COL27A1: variants seen among roughly 807,000 people sequenced by gnomAD.
COL27A1 encodes the protein collagen type XXVII alpha 1 chain, also known as collagen alpha-1(XXVII) chain.
A neutral mutation model predicts 251.3 loss-of-function variants in COL27A1; 106 were observed. The observed-to-expected ratio is 0.42, with a 90% CI of 0.36 to 0.50. The LOEUF (loss-of-function observed/expected upper bound fraction) is 0.50. COL27A1 is among the 20% of genes least tolerant of loss of function. The pLI is 0.00. For missense variants in COL27A1, 2,325 were observed against 2,522.8 expected (o/e 0.92, Z 1.68); for synonymous variants, 1,000 against 986.3 (o/e 1.01, Z -0.26).
intron 5 of COL27A1, among the ~76,000 whole-genome samples, chr9:114,185,481 G>A (rs114833168): frequency 0.011 from 1,626 of 152,352 alleles, 33 homozygotes; most frequent in African/African-American, 0.038. Flanking sequence ...GGCATGGGCA[G>A]GACAAGGTTA....
At chr9:114,223,067 G>A (rs1230201162) in intron 14 of COL27A1, among the ~76,000 whole-genome samples, 4 of 152,070 alleles carry the variant, frequency 2.6e-5, no homozygotes, top group African/African-American at 9.7e-5. Context: ...AGGCCTCGAG[G>A]AGTGGTTCTA....
intron 28 of COL27A1, among the ~76,000 whole-genome samples, chr9:114,262,938 A>ATTTTTTTT (rs386415960): frequency 1.4e-4 from 18 of 127,058 alleles, no homozygotes; most frequent in Admixed American, 4.2e-4. Flanking sequence ...TCCTTGTTTG[A>ATTTTTTTT]TTTTTTTTTT....
At chr9:114,284,412 A>T (rs1012599483) in intron 40 of COL27A1, among the ~76,000 whole-genome samples, 1 of 152,214 alleles carries the variant, frequency 6.6e-6, no homozygotes, top group Non-Finnish European at 1.5e-5. Context: ...TGTTGAGGCA[A>T]GCATTTTGCC....
intron 35 of COL27A1, among the ~76,000 whole-genome samples, chr9:114,269,981 C>T (rs1490740): frequency 0.18 from 27,657 of 152,044 alleles, 2,837 homozygotes; most frequent in African/African-American, 0.27. Flanking sequence ...TGTCCAGGGG[C>T]GTCTCTAGAG....
upstream of COL27A1, among the ~76,000 whole-genome samples, chr9:114,154,186 C>G (rs918717987): frequency 6.6e-6 from 1 of 152,002 alleles, no homozygotes; most frequent in African/African-American, 2.4e-5. The surrounding 1 kb of genome is among the most constrained non-coding windows in gnomAD (Gnocchi z 5.8). Context: ...CGGACCGGGT[C>G]GGCGGCGCAG....
At chr9:114,254,614 G>C (rs1833802288) in intron 27 of COL27A1, among the ~76,000 whole-genome samples, 1 of 152,184 alleles carries the variant, frequency 6.6e-6, no homozygotes, top group African/African-American at 2.4e-5. Context: ...GGTTGCCTGG[G>C]TGTCTCCAAA....
At chr9:114,156,352 G>C (rs1481427324) in intron 1 of COL27A1, among the ~76,000 whole-genome samples, 1 of 151,704 alleles carries the variant, frequency 6.6e-6, no homozygotes, top group Non-Finnish European at 1.5e-5. Flanking sequence ...GGGGGAGGAG[G>C]GGGGTCTCCG....
chr9:114,252,441 G>C (rs747621351), intron 25 of COL27A1, 152 bp from the exon 26 acceptor site: 1 of 661,266 alleles, frequency 1.5e-6, no homozygotes, highest in East Asian at 2.6e-5. Context: ...CCACCTGGGT[G>C]ATGTGGCCAT....
chr9:114,309,450 G>A lies in COL27A1; in HGVS notation c.5408G>A (p.Arg1803Gln), dbSNP rs757567506. 2.5e-5 allele frequency: 40 copies of A among 1,613,698 alleles called. 1 individual carries two copies. The South Asian group carries it at 3.3e-4, about 13-fold the overall frequency. Reference sequence around the variant, plus strand: ...ATTTTTGAAGCTGGGGGTCAGTTCCGGCCCGAGGTGTCCATGGATGGCTGC... The same window carrying A: ...ATTTTTGAAGCTGGGGGTCAGTTCCAGCCCGAGGTGTCCATGGATGGCTGC... ...GQIFEAGGQF[R>Q]PEVSMDGCKV... is the part of the protein sequence containing the mutation. Residue 1803 changes from arginine to glutamine, a missense_variant, in exon 60 of 61, where the codon CGG (arginine) becomes CAG (glutamine). Coordinates refer to ENST00000356083, the MANE Select transcript of COL27A1 (RefSeq NM_032888.4).
intron 16 of COL27A1, among the ~76,000 whole-genome samples, chr9:114,234,927 A>AT (rs1177666107): frequency 6.6e-6 from 1 of 151,564 alleles, no homozygotes; most frequent in Non-Finnish European, 1.5e-5. Context: ...AAAAAAAAAA[A>AT]AATTAGCTGG....
chr9:114,161,924 C>T (rs1483641402), intron 1 of COL27A1, among the ~76,000 whole-genome samples: 1 of 152,216 alleles, frequency 6.6e-6, no homozygotes, highest in Non-Finnish European at 1.5e-5. Flanking sequence ...TGAGCCCTTG[C>T]CATGCATGAG....
intron 40 of COL27A1, 63 bp downstream of exon 40, chr9:114,283,825 C>T: frequency 6.5e-7 from 1 of 1,530,030 alleles, no homozygotes; most frequent in Non-Finnish European, 9.0e-7. Flanking sequence ...AACACAGGCC[C>T]ATGCCAGCCT....
Position 114,213,901 on chromosome 9 carries a change from G to A in COL27A1, c.2367+2875G>A, listed in dbSNP as rs550750860. Among the ~76,000 whole-genome samples the A allele has an allele frequency of 2.3e-3, 354 of 152,274 alleles. 2 individuals are homozygous for A. Among genetic ancestry groups the A allele is most frequent in the African/African-American group, 7.6e-3 (315 of 41,544 alleles). On this transcript the variant is annotated intron_variant, in intron 12 of 60. Transcript: ENST00000356083. The stretch of plus-strand genomic sequence containing the variant: ...CTAGGCTCTGATCTTCATGACAGGC[G>A]TGTTGTTCCCTGGCACTGGGGTGTC...
chr9:114,277,237 G>A (rs1337037817), intron 37 of COL27A1, among the ~76,000 whole-genome samples: 3 of 152,086 alleles, frequency 2.0e-5, no homozygotes, highest in African/African-American at 7.2e-5. Flanking sequence ...CGGTTCAGTT[G>A]AACTCCTTGG....
At chr9:114,292,406 G>A (rs962689337) in intron 49 of COL27A1, among the ~76,000 whole-genome samples, 196 bp downstream of exon 49, 1 of 152,112 alleles carries the variant, frequency 6.6e-6, no homozygotes, top group Non-Finnish European at 1.5e-5. Flanking sequence ...CAGGTGGTGG[G>A]GGAGGCTGAG....
chr9:114,251,957 G>A (rs115314234), intron 25 of COL27A1, among the ~76,000 whole-genome samples: 1,850 of 152,286 alleles, frequency 0.012, 36 homozygotes, highest in African/African-American at 0.041. Flanking sequence ...TCAGAGTCTC[G>A]CAGATAGTGT....
intron 49 of COL27A1, among the ~76,000 whole-genome samples, chr9:114,298,586 T>C (rs1322705279): frequency 6.6e-6 from 1 of 152,192 alleles, no homozygotes; most frequent in African/African-American, 2.4e-5. Flanking sequence ...AATCACACAA[T>C]CACATATCAC....
In COL27A1 at chr9:114,194,641, C is replaced by G. The variant is rs146686973; in HGVS notation, c.2070+184C>G. 5.4e-3 allele frequency among the ~76,000 whole-genome samples: 824 copies of G among 152,298 alleles called. 6 individuals are homozygous for G. Among genetic ancestry groups the G allele is most frequent in the African/African-American group, 0.019 (784 of 41,572 alleles). On this transcript the variant is annotated intron_variant, in intron 6 of 60. Transcript: ENST00000356083. Reference sequence around the variant, plus strand: ...GAAGTCCTTTAGCCTTTCCCAACACCAAACCCACCCAAGGTTATTCCCAGC... The same window carrying G: ...GAAGTCCTTTAGCCTTTCCCAACACGAAACCCACCCAAGGTTATTCCCAGC...
chr9:114,181,462 C>T (rs1167514526), intron 4 of COL27A1, among the ~76,000 whole-genome samples: 2 of 152,058 alleles, frequency 1.3e-5, no homozygotes, highest in Non-Finnish European at 2.9e-5. Flanking sequence ...GGAAGCTGGC[C>T]TCAGAGAGGG....
Sources: allele counts gnomAD v4.1 joint callset (sites outside exome capture counted in the v4.1 genomes callset), GRCh38; gene constraint gnomAD v4.1.1; non-coding constraint Gnocchi (gnomAD v3.1); transcripts MANE v1.5; gene names NCBI Gene and HGNC (gene_info 2026-07-23, HGNC 2026-07-21).